EPB41L3: variants seen among roughly 807,000 people sequenced by gnomAD.
EPB41L3 encodes band 4.1-like protein 3.
In EPB41L3, 57 loss-of-function variants were observed where a neutral mutation model predicts 127.1. The observed-to-expected ratio is 0.45, with a 90% CI of 0.36 to 0.56. The LOEUF (loss-of-function observed/expected upper bound fraction) is 0.56, where lower values mean the gene tolerates loss of function less well. EPB41L3 is among the 20% of genes least tolerant of loss of function. The pLI, the probability that EPB41L3 is intolerant of heterozygous loss-of-function variation, is 0.00. For synonymous variants in EPB41L3, 572 were observed against 549.5 expected (o/e 1.04, Z -0.57); for missense variants, 1,273 against 1,372.2 (o/e 0.93, Z 1.14).
At chr18:5,461,846 C>A (rs1191458746) in intron 3 of EPB41L3, among the ~76,000 whole-genome samples, 1 of 152,024 alleles carries the variant, frequency 6.6e-6, no homozygotes, top group African/African-American at 2.4e-5. Flanking sequence ...AGTCTGTGAC[C>A]CCTTACAGAA....
intron 3 of EPB41L3, among the ~76,000 whole-genome samples, chr18:5,551,411 G>A (rs1224310010): frequency 2.6e-5 from 4 of 152,070 alleles, no homozygotes; most frequent in African/African-American, 7.2e-5. Flanking sequence ...GCAGAATCAC[G>A]TGGGGGGATT....
At chr18:5,411,713 G>T (rs1260609935) in intron 13 of EPB41L3, among the ~76,000 whole-genome samples, 1 of 151,868 alleles carries the variant, frequency 6.6e-6, no homozygotes, top group African/African-American at 2.4e-5. Context: ...GGTGAATCTG[G>T]TTCTTAAAAT....
At chr18:5,509,328 C>T (rs1468100919) in intron 1 of EPB41L3, among the ~76,000 whole-genome samples, 1 of 152,208 alleles carries the variant, frequency 6.6e-6, no homozygotes. Flanking sequence ...TAAAGGACCA[C>T]ACTAAGGTGT....
upstream of EPB41L3, among the ~76,000 whole-genome samples, chr18:5,548,362 G>T (rs1568558828): frequency 6.6e-6 from 1 of 152,032 alleles, no homozygotes; most frequent in African/African-American, 2.4e-5. Context: ...CCATTTCAGG[G>T]GTCTGTCTAC....
chr18:5,407,435 A>AC (rs2075586840), intron 15 of EPB41L3: 1 of 534,118 alleles, frequency 1.9e-6, no homozygotes, highest in Non-Finnish European at 3.3e-6. Flanking sequence ...ACCAATACCA[A>AC]CCTCTAACAT....
chr18:5,465,288 A>T (rs1198612433), intron 3 of EPB41L3, among the ~76,000 whole-genome samples: 2 of 152,238 alleles, frequency 1.3e-5, no homozygotes, highest in Non-Finnish European at 2.9e-5. Context: ...CAGAACTGCC[A>T]AATTAATGAG....
At chr18:5,479,996 T>C (rs1417527318) in intron 2 of EPB41L3, 6 of 152,204 alleles carry the variant, frequency 3.9e-5, no homozygotes, top group African/African-American at 9.6e-5. Flanking sequence ...ATTATGAACA[T>C]TTAAGTTTTA....
intron 3 of EPB41L3, among the ~76,000 whole-genome samples, chr18:5,453,753 C>T (rs964734755): frequency 1.3e-5 from 2 of 152,160 alleles, no homozygotes; most frequent in African/African-American, 2.4e-5. Flanking sequence ...GGATGGAAAA[C>T]TGCTTGTCCT....
chr18:5,518,941 G>A (rs1030230904), intron 1 of EPB41L3, among the ~76,000 whole-genome samples: 2 of 152,170 alleles, frequency 1.3e-5, no homozygotes, highest in Non-Finnish European at 2.9e-5. Flanking sequence ...GAGTAAACAG[G>A]AGCTCACTAA....
At chr18:5,625,049 TGGGTTTCCTG>T (rs1401034560) in intron 1 of EPB41L3, among the ~76,000 whole-genome samples, 1 of 152,072 alleles carries the variant, frequency 6.6e-6, no homozygotes, top group East Asian at 1.9e-4. Context: ...AGAGTTGCCA[TGGGTTTCCTG>T]TTGGGGCCTC....
At chr18:5,465,935 C>A (rs1378705842) in intron 3 of EPB41L3, among the ~76,000 whole-genome samples, 1 of 150,644 alleles carries the variant, frequency 6.6e-6, no homozygotes, top group African/African-American at 2.5e-5. Context: ...TTTTAACAGT[C>A]TGGGGGTGAG....
chr18:5,515,025 T>C (rs980855135), intron 1 of EPB41L3, among the ~76,000 whole-genome samples: 8 of 152,212 alleles, frequency 5.3e-5, no homozygotes, highest in Admixed American at 2.6e-4. Flanking sequence ...TGGCCATCTA[T>C]CTATTATTAC....
rs778680002 is a variant in EPB41L3, at chr18:5,443,881, C to T, written c.487-1G>A. On this transcript the variant is annotated splice_acceptor_variant, in intron 4 of 22. Coordinates refer to ENST00000341928, the MANE Select transcript of EPB41L3 (RefSeq NM_012307.5). LOFTEE classifies it high-confidence loss of function. ...TTTCCTTAGCAGGGTCCAACCAATT[C>T]TGAAAAGGAAATGACATTTTGAATT... 1 of 1,606,966 alleles carries T rather than the reference C, an allele frequency of 6.2e-7. No homozygotes were observed. Among genetic ancestry groups the T allele is most frequent in the Non-Finnish European group, 8.5e-7 (1 of 1,177,126 alleles).
intron 1 of EPB41L3, among the ~76,000 whole-genome samples, chr18:5,517,590 T>G (rs1417694074): frequency 6.6e-6 from 1 of 152,010 alleles, no homozygotes; most frequent in Non-Finnish European, 1.5e-5. Context: ...CATGAACCAG[T>G]GCACCTGGCT....
rs865833437 is a variant in EPB41L3 at position 5,398,261 on chromosome 18, C to T, written c.2350-118G>A. On this transcript the variant is annotated intron_variant, in intron 16 of 22. Transcript: ENST00000341928. ...CAGAGGAGACAGGGAGGAGGAAGAA[C>T]GAAGGAATCTCAGAGTTTGGAAACG... 24 of 1,157,042 alleles carry T rather than the reference C, an allele frequency of 2.1e-5. 1 individual carries two copies. In the Middle Eastern group the frequency reaches 3.4e-3, roughly 165 times the overall value. 71.7% of individuals were successfully genotyped at this position (1,157,042 alleles called of 1,614,324 possible). A position where few individuals can be genotyped will look rare whatever the true frequency, so the allele number is the denominator to read the frequency against.
intron 1 of EPB41L3, among the ~76,000 whole-genome samples, chr18:5,542,667 G>T (rs2093766240): frequency 6.6e-6 from 1 of 152,146 alleles, no homozygotes; most frequent in South Asian, 2.1e-4. Flanking sequence ...CATTCTATTT[G>T]TTCTGTTCCG....
chr18:5,527,142 C>T (rs1184563909), intron 1 of EPB41L3, among the ~76,000 whole-genome samples: 1 of 151,872 alleles, frequency 6.6e-6, no homozygotes, highest in African/African-American at 2.4e-5. Flanking sequence ...AGAAATTATC[C>T]CAAAAAGCAT....
intron 3 of EPB41L3, chr18:5,571,035 T>C (rs2094273582): frequency 6.6e-6 from 1 of 152,222 alleles, no homozygotes; most frequent in African/African-American, 2.4e-5. Context: ...TGGAGAATTA[T>C]AATTATGTGC....
intron 3 of EPB41L3, among the ~76,000 whole-genome samples, chr18:5,472,107 T>C (rs2086253694): frequency 6.6e-6 from 1 of 152,174 alleles, no homozygotes; most frequent in Non-Finnish European, 1.5e-5. Flanking sequence ...TCTACACTCA[T>C]GATGGACTAT....
Sources: allele counts gnomAD v4.1 joint callset (sites outside exome capture counted in the v4.1 genomes callset), GRCh38; gene constraint gnomAD v4.1.1; transcripts MANE v1.5; gene names NCBI Gene and HGNC (gene_info 2026-07-23, HGNC 2026-07-21).